The following BORCS5 variants were observed in gnomAD, a reference collection of about 807,000 sequenced individuals.
BORCS5 encodes BLOC-1-related complex subunit 5.
BORCS5 carries 17 observed loss-of-function variants against 22.1 expected under a neutral mutation model. The observed-to-expected ratio is 0.77, with a 90% CI of 0.53 to 1.15. The LOEUF (loss-of-function observed/expected upper bound fraction) is 1.15. Ranked by LOEUF, BORCS5 falls within the 50% of genes most tolerant of loss-of-function variation. The pLI, the probability that BORCS5 is intolerant of heterozygous loss-of-function variation, is 0.00. For missense variants in BORCS5, 247 were observed against 253.2 expected (o/e 0.98, Z 0.17); for synonymous variants, 117 against 99.8 (o/e 1.17, Z -1.03).
At position 12,437,201 on chromosome 12, in the gene BORCS5, C is replaced by T. The variant is rs574143353; in HGVS notation, c.360+1416C>T. Among the ~76,000 whole-genome samples, 57 of 152,238 alleles carry T rather than the reference C, an allele frequency of 3.7e-4. No individual in the cohort carries two copies. In the Middle Eastern group the frequency reaches 0.014, roughly 36 times the overall value. ...GGGGGCAGGTCTTTCCCATGCTGTTCGCATGATAGTGAATAAGTCTCATGA... is the reference window on the plus strand; with the variant it reads ...GGGGGCAGGTCTTTCCCATGCTGTTTGCATGATAGTGAATAAGTCTCATGA... On this transcript the variant is annotated intron_variant, in intron 3 of 3. Transcript: ENST00000314565.
At position 12,361,274 on chromosome 12, in the gene BORCS5, G is replaced by T; in HGVS notation, c.127G>T (p.Ala43Ser). 6.2e-7 allele frequency: 1 copy of T among 1,614,118 alleles called. No homozygotes were observed. The highest frequency in any genetic ancestry group is 2.2e-5 in the East Asian group (1 of 44,870). ...DIVVVAQGSQ[A>S]SRNVSNDPDV... Reference sequence around the variant, plus strand: ...TGTGGTTGTAGCTCAGGGCTCCCAGGCCTCACGGAACGTCAGCAACGATCC... The same window carrying T: ...TGTGGTTGTAGCTCAGGGCTCCCAGTCCTCACGGAACGTCAGCAACGATCC... Residue 43 changes from alanine to serine, a missense_variant, in exon 2 of 4, where the codon GCC becomes TCC. Transcript: ENST00000314565.
At chr12:12,394,701 A>G (rs1266387367) in intron 2 of BORCS5, among the ~76,000 whole-genome samples, 4 of 151,960 alleles carry the variant, frequency 2.6e-5, no homozygotes, top group African/African-American at 9.7e-5. Context: ...AGTATAGAAA[A>G]CAAACCTCAT....
Position 12,435,790 on chromosome 12 carries a change from T to C in BORCS5, c.360+5T>C. ...TTGGTTAAACGAATCAAAGAGGTAATGTGCTGCGGGAAAATAACATTGCTG... is the reference window on the plus strand; with the variant it reads ...TTGGTTAAACGAATCAAAGAGGTAACGTGCTGCGGGAAAATAACATTGCTG... On this transcript the variant is annotated splice_donor_5th_base_variant and intron_variant, in intron 3 of 3. Coordinates refer to ENST00000314565, the MANE Select transcript of BORCS5 (RefSeq NM_058169.6). The C allele has an allele frequency of 6.2e-7, 1 of 1,607,230 alleles. No homozygotes were observed.
chr12:12,462,083 T>G (rs1401751961), intron 3 of BORCS5, among the ~76,000 whole-genome samples: 2 of 152,222 alleles, frequency 1.3e-5, no homozygotes, highest in African/African-American at 4.8e-5. Context: ...GTTTTGGTTC[T>G]CAATATCTAT....
chr12:12,416,779 C>CTTT (rs36106735), intron 2 of BORCS5, among the ~76,000 whole-genome samples: 29 of 112,218 alleles, frequency 2.6e-4, no homozygotes, highest in Non-Finnish European at 3.3e-4. Context: ...TTAATGTAAA[C>CTTT]TTTTTTTTTT....
At chr12:12,457,351 G>A (rs551639042) in intron 3 of BORCS5, among the ~76,000 whole-genome samples, 3 of 152,310 alleles carry the variant, frequency 2.0e-5, no homozygotes, top group East Asian at 1.9e-4. Flanking sequence ...ATCCATAAGC[G>A]ATGTATGTAT....
chr12:12,415,914 T>C (rs1941936442), intron 2 of BORCS5, among the ~76,000 whole-genome samples: 1 of 152,202 alleles, frequency 6.6e-6, no homozygotes, highest in South Asian at 2.1e-4. Flanking sequence ...TTAGTTCTTT[T>C]AAATGGTTGG....
rs113851719 is a variant in BORCS5, at chr12:12,455,460, G to A, written c.361-10086G>A. On this transcript the variant is annotated intron_variant, in intron 3 of 3. Transcript: ENST00000314565. The stretch of plus-strand genomic sequence containing the variant: ...TTAAAAGCTAAACATTACCTTTAAA[G>A]GGTGGGAAAGATGAGTGACTTTTTA... Among the ~76,000 whole-genome samples, 585 of 152,310 alleles carry A rather than the reference G, an allele frequency of 3.8e-3. 1 individual carries two copies. The highest frequency in any genetic ancestry group is 5.4e-3 in the Non-Finnish European group (366 of 68,028).
intron 2 of BORCS5, among the ~76,000 whole-genome samples, chr12:12,410,040 G>A (rs1355934065): frequency 6.6e-6 from 1 of 152,148 alleles, no homozygotes; most frequent in Non-Finnish European, 1.5e-5. Flanking sequence ...TTTGAGAAGT[G>A]TCTGTTCATA....
At chr12:12,367,351 G>A (rs1863426897) in intron 2 of BORCS5, among the ~76,000 whole-genome samples, 1 of 152,202 alleles carries the variant, frequency 6.6e-6, no homozygotes, top group South Asian at 2.1e-4. Flanking sequence ...GGCAGCCAAA[G>A]GAGGGGACAA....
At chr12:12,460,259 G>A (rs532443197) in intron 3 of BORCS5, among the ~76,000 whole-genome samples, 4 of 152,296 alleles carry the variant, frequency 2.6e-5, no homozygotes, top group Non-Finnish European at 5.9e-5. Context: ...AGTATTTCAT[G>A]TTGCCGACGC....
intron 1 of BORCS5, among the ~76,000 whole-genome samples, chr12:12,358,732 A>G (rs182075365): frequency 2.6e-5 from 4 of 152,354 alleles, no homozygotes; most frequent in Admixed American, 2.6e-4. Context: ...CAGATAAAGT[A>G]GTAGAGGTTA....
intron 3 of BORCS5, among the ~76,000 whole-genome samples, chr12:12,462,197 G>T (rs562346661): frequency 1.3e-5 from 2 of 152,336 alleles, no homozygotes; most frequent in East Asian, 3.9e-4. Context: ...CTCACTGTGT[G>T]CTGGGCAGGA....
intron 2 of BORCS5, among the ~76,000 whole-genome samples, chr12:12,370,713 A>G (rs1287569570): frequency 1.3e-5 from 2 of 151,960 alleles, no homozygotes; most frequent in Admixed American, 6.6e-5. Context: ...AAATGTTCCA[A>G]AATTGGCCAG....
Position 12,357,486 on chromosome 12 carries a change from G to C in BORCS5, c.35G>C (p.Arg12Pro). The C allele has an allele frequency of 4.3e-6, 7 of 1,611,220 alleles. No homozygotes were observed. The highest frequency in any genetic ancestry group is 5.9e-6 in the Non-Finnish European group (7 of 1,177,704). The change falls in exon 1 of 4, where the codon CGA (arginine) becomes CCA (proline). Residue 12 changes from arginine to proline, a missense_variant. Arg to Pro is a moderately radical substitution (Grantham distance 103). Coordinates refer to ENST00000314565, the MANE Select transcript of BORCS5 (RefSeq NM_058169.6). ...GAGCAGAGCTCCGAGGCCGAGAGCC[G>C]ACCCAACGATCTGAACTCCTCAGGT... ...GSEQSSEAESRPNDLNSSVTP... is the reference protein window; with the variant it reads ...GSEQSSEAESPPNDLNSSVTP...
At chr12:12,444,041 A>G (rs1484793357) in intron 3 of BORCS5, among the ~76,000 whole-genome samples, 1 of 152,226 alleles carries the variant, frequency 6.6e-6, no homozygotes, top group East Asian at 1.9e-4. Context: ...ATCACTTCCA[A>G]TGAAGAGAAA....
chr12:12,380,989 C>G, intron 2 of BORCS5, among the ~76,000 whole-genome samples: 1 of 146,078 alleles, frequency 6.8e-6, no homozygotes, highest in Non-Finnish European at 1.5e-5. Flanking sequence ...CAGACTGTGA[C>G]TTTCTTTTCA....
chr12:12,396,074 G>A (rs533077466), intron 2 of BORCS5, among the ~76,000 whole-genome samples: 2 of 152,042 alleles, frequency 1.3e-5, no homozygotes, highest in African/African-American at 4.8e-5. Context: ...GGCTCACTCC[G>A]CCCCCTGGGT....
chr12:12,371,835 G>A (rs949404127), intron 2 of BORCS5, among the ~76,000 whole-genome samples: 15 of 151,854 alleles, frequency 9.9e-5, no homozygotes, highest in African/African-American at 3.6e-4. Flanking sequence ...TCCTTACTTT[G>A]GATAATTTTT....
Sources: gnomAD v4.1 joint callset for allele counts (sites outside exome capture counted in the v4.1 genomes callset) on GRCh38, gnomAD v4.1.1 for gene constraint, MANE v1.5 for transcripts, NCBI Gene and HGNC (gene_info 2026-07-23, HGNC 2026-07-21) for gene names.